POLR3K: variants seen among roughly 807,000 people sequenced by gnomAD.
POLR3K encodes RNA polymerase III subunit K.
A neutral mutation model predicts 13.5 loss-of-function variants in POLR3K; 11 were observed. That is an observed-to-expected ratio of 0.81 (90% CI 0.51 to 1.35). POLR3K has a LOEUF of 1.35. Ranked by LOEUF, POLR3K falls within the 40% of genes most tolerant of loss-of-function variation. The pLI is 0.00. For missense variants in POLR3K, 144 were observed against 145.3 expected (o/e 0.99, Z 0.05); for synonymous variants, 56 against 51.5 (o/e 1.09, Z -0.38).
At chr16:47,877 G>A (rs1379978924) in intron 2 of POLR3K, among the ~76,000 whole-genome samples, 3 of 123,880 alleles carry the variant, frequency 2.4e-5, no homozygotes, top group African/African-American at 3.3e-5. Flanking sequence ...AAAAAAGTAG[G>A]TATTACTATA....
chr16:47,323 C>A lies in POLR3K; in HGVS notation c.*107G>T. ...CTTCACCTCAAAAGGTTTATCTTTC[C>A]ACCACACTAGCAAAGACCCTCAGGA... On this transcript the variant is annotated 3_prime_UTR_variant, in exon 3 of 3. Coordinates refer to ENST00000293860, the MANE Select transcript of POLR3K (RefSeq NM_016310.5). 7.1e-7 allele frequency: 1 copy of A among 1,411,882 alleles called. No individual in the cohort carries two copies. The highest frequency in any genetic ancestry group is 9.5e-7 in the Non-Finnish European group (1 of 1,051,690). 87.5% of individuals were successfully genotyped at this position (1,411,882 alleles called of 1,614,324 possible).
At chr16:51,779 G>C (rs1417632722) in intron 1 of POLR3K, 134 bp from the exon 2 acceptor site, 1 of 664,182 alleles carries the variant, frequency 1.5e-6, no homozygotes, top group Admixed American at 2.4e-5. Context: ...CCAGCACTTT[G>C]GGAGGCCAAG....
chr16:53,369 G>T, intron 1 of POLR3K, 107 bp downstream of exon 1: 1 of 1,456,538 alleles, frequency 6.9e-7, no homozygotes, highest in South Asian at 1.4e-5. Context: ...GCGCGAGAAA[G>T]AGCGGACAGA....
chr16:53,324 G>A, intron 1 of POLR3K, 152 bp downstream of exon 1: 1 of 1,373,576 alleles, frequency 7.3e-7, no homozygotes. Context: ...GTATTGGAAA[G>A]TAGAGCCCAC....
In POLR3K at chr16:47,567, A is replaced by G; in HGVS notation, c.200-10T>C. 1 of 1,610,606 alleles carries G rather than the reference A, an allele frequency of 6.2e-7. No homozygotes were observed. Among genetic ancestry groups the G allele is most frequent in the South Asian group, 1.1e-5 (1 of 90,984 alleles). On this transcript the variant is annotated splice_polypyrimidine_tract_variant and intron_variant, in intron 2 of 2. Transcript: ENST00000293860. ...CATTTGGGACACGACTCTGGCAATG[A>G]GAAAAAAGAAGTGACCACATTTAAA...
At position 47,458 on chromosome 16, in the gene POLR3K, G is replaced by C; in HGVS notation, c.299C>G (p.Ala100Gly). Reference protein sequence around the residue: ...PMTTFYKCCNAQCGHRWRD With the variant: ...PMTTFYKCCNGQCGHRWRD ...ATCCCTCCAGCGGTGTCCACACTGAGCATTGCAGCACTTGTAGAAGGTGGT... is the reference window on the plus strand; with the variant it reads ...ATCCCTCCAGCGGTGTCCACACTGACCATTGCAGCACTTGTAGAAGGTGGT... The change falls in exon 3 of 3, where the codon GCT (alanine) becomes GGT (glycine). Residue 100 changes from alanine to glycine, a missense_variant. Coordinates refer to ENST00000293860, the MANE Select transcript of POLR3K (RefSeq NM_016310.5). 1.9e-6 allele frequency: 3 copies of C among 1,613,526 alleles called. No homozygotes were observed. Among genetic ancestry groups the C allele is most frequent in the Non-Finnish European group, 2.5e-6 (3 of 1,179,594 alleles).
chr16:53,121 C>A (rs1023106815), intron 1 of POLR3K: 7 of 243,438 alleles, frequency 2.9e-5, no homozygotes, highest in South Asian at 9.4e-5. Flanking sequence ...GTGTCGGAAC[C>A]TGGTAGGCCC....
rs569739742 is a variant in POLR3K at position 48,936 on chromosome 16, G to A, written c.200-1379C>T. Among the ~76,000 whole-genome samples, 348 of 149,350 alleles carry A rather than the reference G, an allele frequency of 2.3e-3. 2 individuals are homozygous for A. Among genetic ancestry groups the A allele is most frequent in the Non-Finnish European group, 3.5e-3 (235 of 67,454 alleles). On this transcript the variant is annotated intron_variant, in intron 2 of 2. Transcript: ENST00000293860. ...TGGGAGGCTGAGGCAGGTGGATCAC[G>A]AGGTCGGGAGGTCAAGACCAGCCTA...
rs954401665 is a variant in POLR3K, at chr16:48,550, G to A, written c.200-993C>T. On this transcript the variant is annotated intron_variant, in intron 2 of 2. Coordinates refer to ENST00000293860, the MANE Select transcript of POLR3K (RefSeq NM_016310.5). ...TTAAGGGCCGGGCGCGGTGGCTCAC[G>A]CCTGTAATCCCAGGACTTTGGGAGG... Among the ~76,000 whole-genome samples, 17 of 152,278 alleles carry A rather than the reference G, an allele frequency of 1.1e-4. 1 individual carries two copies. The highest frequency in any genetic ancestry group is 2.9e-4 in the African/African-American group (12 of 41,536).
intron 2 of POLR3K, among the ~76,000 whole-genome samples, chr16:48,322 A>ACACACT (rs1897301773): frequency 1.3e-5 from 2 of 152,254 alleles, no homozygotes; most frequent in African/African-American, 4.8e-5. Context: ...CCTGTGACTC[A>ACACACT]CACACTCTCC....
In POLR3K at chr16:47,264, T is replaced by G. The variant is rs1897291728; in HGVS notation, c.*166A>C. 1.2e-6 allele frequency: 1 copy of G among 814,056 alleles called. No homozygotes were observed. Among genetic ancestry groups the G allele is most frequent in the South Asian group, 2.2e-5 (1 of 46,418 alleles). 50.4% of individuals were successfully genotyped at this position (814,056 alleles called of 1,614,324 possible). A position where few individuals can be genotyped will look rare whatever the true frequency, so the allele number is the denominator to read the frequency against. Reference sequence around the variant, plus strand: ...CATTCATGACTTCATCCACCCTGCCTGGCAGATAGGCCATATTTCCTGACC... The same window carrying G: ...CATTCATGACTTCATCCACCCTGCCGGGCAGATAGGCCATATTTCCTGACC... On this transcript the variant is annotated 3_prime_UTR_variant, in exon 3 of 3. Transcript: ENST00000293860.
chr16:52,625 G>GGGT (rs1337725919), intron 1 of POLR3K, among the ~76,000 whole-genome samples: 1 of 151,160 alleles, frequency 6.6e-6, no homozygotes, highest in Non-Finnish European at 1.5e-5. Flanking sequence ...AATCAGCCAG[G>GGGT]GGTGGTGGCG....
At position 47,267 on chromosome 16, in the gene POLR3K, CAGATAGGCCAT is replaced by C. The variant is rs1371413378; in HGVS notation, c.*152_*162del. On this transcript the variant is annotated 3_prime_UTR_variant, in exon 3 of 3. Transcript: ENST00000293860. ...TCATGACTTCATCCACCCTGCCTGG[CAGATAGGCCAT>C]ATTTCCTGACCCCCTGGCTCTTCAC... 1 of 839,250 alleles carries C rather than the reference CAGATAGGCCAT, an allele frequency of 1.2e-6. No individual in the cohort carries two copies. Among genetic ancestry groups the C allele is most frequent in the African/African-American group, 1.7e-5 (1 of 57,872 alleles). The allele number at this position is 839,250 out of a possible 1,614,324, so 52.0% of individuals were successfully genotyped here.
rs1394077875 is a variant in POLR3K, at chr16:47,371, A to G, written c.*59T>C. The G allele has an allele frequency of 6.4e-7, 1 of 1,573,880 alleles. No homozygotes were observed. The highest frequency in any genetic ancestry group is 2.3e-5 in the East Asian group (1 of 43,238). ...GGACACACAACTCATACTGCCAGCT[A>G]AGCATCTACCCCGAGGGACAAGGCA... On this transcript the variant is annotated 3_prime_UTR_variant, in exon 3 of 3. Transcript: ENST00000293860.
intron 1 of POLR3K, among the ~76,000 whole-genome samples, chr16:52,809 TAAAG>T (rs1440271902): frequency 3.3e-5 from 4 of 122,070 alleles, no homozygotes; most frequent in East Asian, 2.3e-4. Context: ...TAAAAAAAAA[TAAAG>T]AAAGCACACA....
chr16:48,745 A>C (rs1477554089), intron 2 of POLR3K, among the ~76,000 whole-genome samples: 2 of 150,932 alleles, frequency 1.3e-5, no homozygotes, highest in Non-Finnish European at 1.5e-5. Flanking sequence ...CGGGAGGCGG[A>C]GCTTGCAGTG....
rs142574406 is a variant in POLR3K at position 47,109 on chromosome 16, T to G, written c.*321A>C. 3.2e-4 allele frequency: 54 copies of G among 167,320 alleles called. 4 individuals are homozygous for G. The East Asian group carries it at 8.6e-3, about 27-fold the overall frequency. 10.4% of individuals were successfully genotyped at this position (167,320 alleles called of 1,614,324 possible). A position where few individuals can be genotyped will look rare whatever the true frequency, so the allele number is the denominator to read the frequency against. On this transcript the variant is annotated 3_prime_UTR_variant, in exon 3 of 3. Coordinates refer to ENST00000293860, the MANE Select transcript of POLR3K (RefSeq NM_016310.5). ...CTAAGTTTTACAAACAGTACAAATA[T>G]TTAAGAGTGTTGATTGGGAGTAAGG...
At chr16:50,965 A>G (rs1433818515) in intron 2 of POLR3K, among the ~76,000 whole-genome samples, 2 of 152,154 alleles carry the variant, frequency 1.3e-5, no homozygotes, top group East Asian at 1.9e-4. Context: ...CGCTTATAAA[A>G]CGATCTGATC....
Position 49,557 on chromosome 16 carries a change from G to A in POLR3K, c.200-2000C>T, listed in dbSNP as rs141300613. The stretch of plus-strand genomic sequence containing the variant: ...ATGGTCTCGGCTCACTGCAACCTCC[G>A]CCTCCTGGTTCAAGCAATTCTCCTG... On this transcript the variant is annotated intron_variant, in intron 2 of 2. Transcript: ENST00000293860. Among the ~76,000 whole-genome samples, 889 of 150,636 alleles carry A rather than the reference G, an allele frequency of 5.9e-3. 9 individuals carry two copies. The highest frequency in any genetic ancestry group is 0.02 in the African/African-American group (800 of 40,984).
Sources: gnomAD v4.1 joint callset for allele counts (sites outside exome capture counted in the v4.1 genomes callset) on GRCh38, gnomAD v4.1.1 for gene constraint, MANE v1.5 for transcripts, NCBI Gene and HGNC (gene_info 2026-07-23, HGNC 2026-07-21) for gene names.